The following STAP1 variants were observed in gnomAD, a reference collection of about 807,000 sequenced individuals.
The protein encoded by STAP1 is signal transducing adaptor family member 1, also known as signal-transducing adaptor protein 1.
Under a neutral mutation model 37.8 loss-of-function variants are expected in STAP1, and 30 were observed. The observed-to-expected ratio is 0.79, with a 90% CI of 0.59 to 1.08. STAP1 has a LOEUF of 1.08. STAP1 is among the 50% of genes least tolerant of loss of function. STAP1 has a pLI of 0.00. For missense variants in STAP1, 357 were observed against 349.4 expected (o/e 1.02, Z -0.17); for synonymous variants, 130 against 116.0 (o/e 1.12, Z -0.78).
chr4:67,566,721 G>A (rs140336723), intron 1 of STAP1, among the ~76,000 whole-genome samples: 6 of 152,292 alleles, frequency 3.9e-5, no homozygotes, highest in African/African-American at 7.2e-5. Flanking sequence ...TGTAATCCCC[G>A]CACTTTGGGA....
At chr4:67,582,303 T>G (rs1727879268) in intron 5 of STAP1, among the ~76,000 whole-genome samples, 1 of 134,944 alleles carries the variant, frequency 7.4e-6, no homozygotes, top group East Asian at 2.1e-4. Flanking sequence ...ACATTTTAGT[T>G]TTTTTTTTGT....
intron 2 of STAP1, 84 bp downstream of exon 2, chr4:67,571,239 A>G: frequency 1.1e-6 from 1 of 945,276 alleles, no homozygotes; most frequent in South Asian, 1.7e-5. Flanking sequence ...ATTTTCTGCC[A>G]TCCAAGAATA....
chr4:67,572,407 T>C (rs1727624855), intron 2 of STAP1, among the ~76,000 whole-genome samples: 1 of 152,024 alleles, frequency 6.6e-6, no homozygotes, highest in Non-Finnish European at 1.5e-5. Flanking sequence ...GATGACTGCC[T>C]TAAGGAGAGT....
intron 1 of STAP1, among the ~76,000 whole-genome samples, chr4:67,565,505 T>C (rs754508282): frequency 2.6e-5 from 4 of 152,246 alleles, no homozygotes; most frequent in Non-Finnish European, 5.9e-5. Context: ...AGAAGTATTA[T>C]GTGGCTAATA....
intron 1 of STAP1, among the ~76,000 whole-genome samples, chr4:67,568,085 T>C (rs1021555237): frequency 1.3e-5 from 2 of 152,206 alleles, no homozygotes; most frequent in East Asian, 1.9e-4. Flanking sequence ...ATGAATTTAA[T>C]CTTGAGCTTC....
At chr4:67,595,372 C>CAAAA (rs34185676) in intron 8 of STAP1, among the ~76,000 whole-genome samples, 14 of 87,780 alleles carry the variant, frequency 1.6e-4, no homozygotes, top group African/African-American at 5.5e-4. Context: ...TTCGTTTCTA[C>CAAAA]AAAAAAAAAA....
intron 8 of STAP1, among the ~76,000 whole-genome samples, chr4:67,602,690 T>A (rs1728369241): frequency 6.6e-6 from 1 of 152,144 alleles, no homozygotes; most frequent in Admixed American, 6.5e-5. Context: ...TTCCCTTACT[T>A]TCCCCCCAAC....
chr4:67,601,286 ATT>A (rs1311976330), intron 8 of STAP1, among the ~76,000 whole-genome samples: 1 of 152,124 alleles, frequency 6.6e-6, no homozygotes. Context: ...ACACTTTTAA[ATT>A]TGTTATTTCT....
chr4:67,579,882 T>C (rs2109863779), intron 4 of STAP1, among the ~76,000 whole-genome samples: 1 of 152,262 alleles, frequency 6.6e-6, no homozygotes, highest in East Asian at 1.9e-4. Flanking sequence ...CATTTTTTTT[T>C]TGAGATGGAG....
chr4:67,559,535 T>G (rs956921261), intron 1 of STAP1, among the ~76,000 whole-genome samples: 3 of 152,134 alleles, frequency 2.0e-5, no homozygotes, highest in Non-Finnish European at 2.9e-5. Flanking sequence ...CATAAATACC[T>G]TTGCTCTAAG....
chr4:67,565,049 C>A (rs950851929), intron 1 of STAP1, among the ~76,000 whole-genome samples: 9 of 152,204 alleles, frequency 5.9e-5, no homozygotes, highest in South Asian at 2.1e-4. Context: ...CCTTGATTTA[C>A]TCCTTTCATT....
intron 4 of STAP1, 52 bp from the exon 5 acceptor site, chr4:67,581,253 T>C: frequency 1.3e-6 from 2 of 1,569,004 alleles, no homozygotes; most frequent in South Asian, 1.2e-5. Context: ...TTACTAAAGT[T>C]ATAAGTTATT....
intron 1 of STAP1, among the ~76,000 whole-genome samples, chr4:67,568,679 C>T (rs967089457): frequency 1.3e-5 from 2 of 152,106 alleles, no homozygotes; most frequent in Non-Finnish European, 2.9e-5. Context: ...TAAAGTTCAG[C>T]TTTGATGGTG....
At chr4:67,570,732 G>GAGAAAGGAGGGAGGA (rs999512130) in intron 1 of STAP1, among the ~76,000 whole-genome samples, 1 of 151,100 alleles carries the variant, frequency 6.6e-6, no homozygotes, top group African/African-American at 2.4e-5. Context: ...GGAAGGAAGG[G>GAGAAAGGAGGGAGGA]AGAAAGGAGG....
intron 5 of STAP1, 98 bp from the exon 6 acceptor site, chr4:67,583,476 C>A (rs548273806): frequency 7.0e-6 from 9 of 1,284,104 alleles, no homozygotes; most frequent in Non-Finnish European, 9.4e-6. Flanking sequence ...GAAAAGTTAG[C>A]AACTGCAGCT....
intron 6 of STAP1, among the ~76,000 whole-genome samples, chr4:67,588,083 T>C (rs529845733): frequency 1.3e-5 from 2 of 150,440 alleles, no homozygotes; most frequent in African/African-American, 4.9e-5. Flanking sequence ...TTCTTCTGTT[T>C]TGAGGTCAGC....
chr4:67,577,651 C>CTT (rs71219058), intron 4 of STAP1, among the ~76,000 whole-genome samples: 1 of 91,548 alleles, frequency 1.1e-5, no homozygotes, highest in African/African-American at 5.6e-5. Flanking sequence ...TTCTTTCTTT[C>CTT]TTTTTTTTTT....
Position 67,560,200 on chromosome 4 carries a change from G to C in STAP1, c.120+1271G>C, listed in dbSNP as rs375271379. Among the ~76,000 whole-genome samples, 23 of 148,008 alleles carry C rather than the reference G, an allele frequency of 1.6e-4. No individual in the cohort carries two copies. In the South Asian group the frequency reaches 4.4e-3, roughly 28 times the overall value. On this transcript the variant is annotated intron_variant, in intron 1 of 8. Transcript: ENST00000265404. ...TTAAAGAAGACATGTCATTGGTATG[G>C]TTAGCAGAAAGAATAAGAATTTTAG...
In STAP1 at chr4:67,582,885, A is replaced by G. The variant is rs1191250071; in HGVS notation, c.531-689A>G. Among the ~76,000 whole-genome samples the G allele has an allele frequency of 3.9e-5, 6 of 152,198 alleles. No individual in the cohort carries two copies. In the East Asian group the frequency reaches 1.2e-3, roughly 29 times the overall value. On this transcript the variant is annotated intron_variant, in intron 5 of 8. Coordinates refer to ENST00000265404, the MANE Select transcript of STAP1 (RefSeq NM_012108.4). ...GTGTTAGATGATTTTGCTCATCAAT[A>G]GGCTAATGTAAGTGTTCTAAGCATT...
Sources: gnomAD v4.1 joint callset for allele counts (sites outside exome capture counted in the v4.1 genomes callset) on GRCh38, gnomAD v4.1.1 for gene constraint, MANE v1.5 for transcripts, NCBI Gene and HGNC (gene_info 2026-07-23, HGNC 2026-07-21) for gene names.